PARP11: variants seen among roughly 807,000 people sequenced by gnomAD.
PARP11 encodes poly(ADP-ribose) polymerase family member 11.
A neutral mutation model predicts 42.9 loss-of-function variants in PARP11; 31 were observed. That is an observed-to-expected ratio of 0.72 (90% CI 0.54 to 0.98). The LOEUF is 0.98. Ranked by LOEUF, PARP11 falls within the 50% of genes least tolerant of loss-of-function variation. The pLI, the probability that PARP11 is intolerant of heterozygous loss-of-function variation, is 0.00. For synonymous variants in PARP11, 137 were observed against 127.3 expected, an observed-to-expected ratio of 1.08 and a Z score of -0.51; for missense variants, 365 against 413.1, an observed-to-expected ratio of 0.88 and a Z score of 1.01.
intron 1 of PARP11, among the ~76,000 whole-genome samples, chr12:3,853,461 C>CA (rs1948135848): frequency 6.6e-6 from 1 of 151,846 alleles, no homozygotes; most frequent in South Asian, 2.1e-4. Context: ...AAATGGAAAG[C>CA]AAAAAAGAGC....
intron 6 of PARP11, among the ~76,000 whole-genome samples, chr12:3,817,116 C>T (rs557847243): frequency 5.3e-5 from 8 of 151,740 alleles, no homozygotes; most frequent in Admixed American, 1.3e-4. Flanking sequence ...GCATGAACCC[C>T]GGAGGCGGAA....
chr12:3,809,202 T>C lies in PARP11; in HGVS notation c.*2921A>G, dbSNP rs532046029. ...AAAGATGGCAAATGGTTGTGTCCAG[T>C]ATTATTATATACTGGTTATATAATT... is the stretch of plus-strand genomic sequence containing the variant. On this transcript the variant is annotated 3_prime_UTR_variant, in exon 8 of 8. Coordinates refer to ENST00000228820, the MANE Select transcript of PARP11 (RefSeq NM_020367.6). 6.6e-6 allele frequency: 1 copy of C among 152,336 alleles called. No individual in the cohort carries two copies. Among genetic ancestry groups the C allele is most frequent in the South Asian group, 2.1e-4 (1 of 4,830 alleles). The allele number at this position is 152,336 out of a possible 1,614,324, so 9.4% of individuals were successfully genotyped here.
intron 1 of PARP11, among the ~76,000 whole-genome samples, chr12:3,853,415 G>A (rs141384660): frequency 1.3e-5 from 2 of 152,290 alleles, no homozygotes; most frequent in African/African-American, 2.4e-5. Flanking sequence ...ACACACACAG[G>A]CTCCAAATAA....
intron 1 of PARP11, among the ~76,000 whole-genome samples, chr12:3,846,190 C>G (rs1947990330): frequency 2.0e-5 from 3 of 151,370 alleles, no homozygotes; most frequent in Admixed American, 2.0e-4. Context: ...AGAAGTGTTT[C>G]AAACATATCT....
intron 1 of PARP11, among the ~76,000 whole-genome samples, chr12:3,843,011 C>T (rs1378288560): frequency 1.3e-5 from 2 of 152,196 alleles, no homozygotes; most frequent in Non-Finnish European, 2.9e-5. Flanking sequence ...TCAGACAATT[C>T]TCAGCCTAAA....
intron 1 of PARP11, among the ~76,000 whole-genome samples, chr12:3,853,791 G>A (rs1948142326): frequency 6.6e-6 from 1 of 152,150 alleles, no homozygotes; most frequent in Non-Finnish European, 1.5e-5. Flanking sequence ...AGACCTAATA[G>A]ACATCTACAG....
intron 1 of PARP11, among the ~76,000 whole-genome samples, chr12:3,831,235 T>C (rs1208183276): frequency 6.6e-6 from 1 of 152,052 alleles, no homozygotes; most frequent in Non-Finnish European, 1.5e-5. Flanking sequence ...TTTCACTGCA[T>C]ATCTTTCAGA....
chr12:3,839,649 T>A, intron 1 of PARP11: 7 of 985,978 alleles, frequency 7.1e-6, no homozygotes, highest in Non-Finnish European at 9.9e-6. Flanking sequence ...ACAGGAAAGA[T>A]TTTATAACTA....
At chr12:3,823,993 A>T (rs1025117782) in intron 4 of PARP11, among the ~76,000 whole-genome samples, 3 of 152,158 alleles carry the variant, frequency 2.0e-5, no homozygotes, top group African/African-American at 7.2e-5. Flanking sequence ...TCTGTAAAAT[A>T]ACATATTTGA....
chr12:3,836,046 TAC>T (rs889127983), intron 1 of PARP11, among the ~76,000 whole-genome samples: 5 of 151,776 alleles, frequency 3.3e-5, no homozygotes, highest in African/African-American at 1.2e-4. Flanking sequence ...TATATATATA[TAC>T]ACACACTCAC....
intron 1 of PARP11, among the ~76,000 whole-genome samples, chr12:3,870,155 G>A (rs894463793): frequency 6.6e-6 from 1 of 152,174 alleles, no homozygotes; most frequent in Non-Finnish European, 1.5e-5. Context: ...GTGAAACCAG[G>A]AAAGCGAAAC....
chr12:3,863,069 T>C (rs1948326406), intron 1 of PARP11, among the ~76,000 whole-genome samples: 1 of 152,244 alleles, frequency 6.6e-6, no homozygotes, highest in South Asian at 2.1e-4. Flanking sequence ...GGTTTCAATG[T>C]ACAGATCTTG....
chr12:3,811,755 A>T lies in PARP11; in HGVS notation c.*368T>A, dbSNP rs1441087223. On this transcript the variant is annotated 3_prime_UTR_variant, in exon 8 of 8. Transcript: ENST00000228820. ...ATTTATGTCTGTATTTTTTTTCAAC[A>T]TTTATACGAATAAGTCTATTTAAAC... The T allele has an allele frequency of 2.3e-5, 4 of 175,944 alleles. No homozygotes were observed. The highest frequency in any genetic ancestry group is 3.5e-5 in the Non-Finnish European group (3 of 84,738). The allele number at this position is 175,944 out of a possible 1,614,324, so 10.9% of individuals were successfully genotyped here.
intron 1 of PARP11, among the ~76,000 whole-genome samples, chr12:3,857,493 T>G (rs1948215087): frequency 6.6e-6 from 1 of 152,160 alleles, no homozygotes; most frequent in African/African-American, 2.4e-5. Context: ...GAGACAGCCT[T>G]TACAGGAATT....
rs569396142 is a variant in PARP11, at chr12:3,818,466, C to A, written c.548+3407G>T. 5.2e-4 allele frequency among the ~76,000 whole-genome samples: 79 copies of A among 152,170 alleles called. 1 individual carries two copies. Among genetic ancestry groups the A allele is most frequent in the Non-Finnish European group, 1.0e-3 (70 of 68,034 alleles). ...TCAGGAGCTAGAATCCATCAACTGC[C>A]CTTCCACTCTTTCTCTAAGTCTTTT... On this transcript the variant is annotated intron_variant, in intron 6 of 7. Transcript: ENST00000228820.
chr12:3,864,619 T>C (rs1948357347), intron 1 of PARP11, among the ~76,000 whole-genome samples: 1 of 152,270 alleles, frequency 6.6e-6, no homozygotes, highest in South Asian at 2.1e-4. Flanking sequence ...TATCTGTTTC[T>C]TCAGTGAGCT....
intron 3 of PARP11, among the ~76,000 whole-genome samples, chr12:3,828,319 C>T (rs547015272): frequency 1.3e-5 from 2 of 152,040 alleles, no homozygotes; most frequent in African/African-American, 4.8e-5. Context: ...GAGGTGGAGG[C>T]GGGTGGATCA....
intron 1 of PARP11, chr12:3,872,977 G>A (rs1220632290): frequency 5.3e-6 from 1 of 188,624 alleles, no homozygotes; most frequent in African/African-American, 2.4e-5. Flanking sequence ...AACATCACGG[G>A]AAGTAAAATA....
intron 1 of PARP11, among the ~76,000 whole-genome samples, chr12:3,850,604 CA>C (rs1386363370): frequency 6.6e-6 from 1 of 152,196 alleles, no homozygotes; most frequent in East Asian, 1.9e-4. Flanking sequence ...AGGTTCCTCA[CA>C]ATGCCCCACA....
Sources: gnomAD v4.1 joint callset for allele counts (sites outside exome capture counted in the v4.1 genomes callset) on GRCh38, gnomAD v4.1.1 for gene constraint, MANE v1.5 for transcripts, NCBI Gene and HGNC (gene_info 2026-07-23, HGNC 2026-07-21) for gene names.